Variants in SLC35A3 observed in about 807,000 individuals in gnomAD.
SLC35A3 encodes the protein UDP-N-acetylglucosamine transporter.
A neutral mutation model predicts 39.0 loss-of-function variants in SLC35A3; 26 were observed. The observed-to-expected ratio is 0.67, with a 90% confidence interval of 0.49 to 0.92. SLC35A3 has a LOEUF of 0.92. SLC35A3 is among the 40% of genes least tolerant of loss of function. The pLI is 0.00. For synonymous variants in SLC35A3, 135 were observed against 133.1 expected, an observed-to-expected ratio of 1.01 and a Z score of -0.10; for missense variants, 299 against 371.6, an observed-to-expected ratio of 0.80 and a Z score of 1.61.
Position 100,034,555 on chromosome 1 carries a change from TG to T in SLC35A3, c.*12081del, listed in dbSNP as rs1661401273. 1 of 152,222 alleles carries T rather than the reference TG, an allele frequency of 6.6e-6. No individual in the cohort carries two copies. Among genetic ancestry groups the T allele is most frequent in the Non-Finnish European group, 1.5e-5 (1 of 68,040 alleles). 9.4% of individuals were successfully genotyped at this position (152,222 alleles called of 1,614,324 possible). A position where few individuals can be genotyped will look rare whatever the true frequency, so the allele number is the denominator to read the frequency against. ...TTTATAATAGCCTTGTATGGATTTT[TG>T]GTGGCTTTTCTATTCATGATTAAAT... On this transcript the variant is annotated 3_prime_UTR_variant, in exon 8 of 8. Coordinates refer to ENST00000533028, the MANE Select transcript of SLC35A3 (RefSeq NM_012243.3).
intron 1 of SLC35A3, among the ~76,000 whole-genome samples, chr1:99,988,255 A>C (rs1308179016): frequency 6.6e-6 from 1 of 152,132 alleles, no homozygotes; most frequent in African/African-American, 2.4e-5. Context: ...CTTTTCTAGA[A>C]TTTTATATAT....
chr1:100,013,228 C>T (rs1032265729), intron 5 of SLC35A3, among the ~76,000 whole-genome samples: 10 of 151,902 alleles, frequency 6.6e-5, no homozygotes, highest in Admixed American at 1.3e-4. Flanking sequence ...CTTCTAATCC[C>T]AGATACTTGG....
At chr1:100,007,177 T>C in intron 4 of SLC35A3, 21 bp downstream of exon 4, 1 of 1,566,990 alleles carries the variant, frequency 6.4e-7, no homozygotes, top group Non-Finnish European at 8.7e-7. Flanking sequence ...AAGATAAGTA[T>C]ATATTTTTAT....
At chr1:99,991,377 C>T (rs1170704721) in intron 1 of SLC35A3, among the ~76,000 whole-genome samples, 1 of 152,202 alleles carries the variant, frequency 6.6e-6, no homozygotes, top group Non-Finnish European at 1.5e-5. Flanking sequence ...AACTCCTGAC[C>T]TCGTGATCTG....
At chr1:100,010,153 A>G (rs1277254696) in intron 4 of SLC35A3, among the ~76,000 whole-genome samples, 1 of 152,210 alleles carries the variant, frequency 6.6e-6, no homozygotes, top group Admixed American at 6.5e-5. Context: ...GGGTGAAGAT[A>G]CAGAACATTT....
Position 100,022,934 on chromosome 1 carries a change from A to C in SLC35A3, c.*458A>C, listed in dbSNP as rs1347501865. The C allele has an allele frequency of 6.5e-6, 1 of 152,696 alleles. No homozygotes were observed. The highest frequency in any genetic ancestry group is 1.5e-5 in the Non-Finnish European group (1 of 68,050). The allele number at this position is 152,696 out of a possible 1,614,324, so 9.5% of individuals were successfully genotyped here. A position where few individuals can be genotyped will look rare whatever the true frequency, so the allele number is the denominator to read the frequency against. On this transcript the variant is annotated 3_prime_UTR_variant, in exon 8 of 8. Coordinates refer to ENST00000533028, the MANE Select transcript of SLC35A3 (RefSeq NM_012243.3). Reference sequence around the variant, plus strand: ...TTACCTATAAAGCTGTGAAAAATAGAAGTATAATTTGAAAAAACATTTCAC... The same window carrying C: ...TTACCTATAAAGCTGTGAAAAATAGCAGTATAATTTGAAAAAACATTTCAC...
At position 100,027,255 on chromosome 1, in the gene SLC35A3, C is replaced by A. The variant is rs1660960799; in HGVS notation, c.*4779C>A. Reference sequence around the variant, plus strand: ...TCGCTTGAGCCCATGAATTTGAGGCCAGCCTGGGCAACATAGCCTTGTTTC... The same window carrying A: ...TCGCTTGAGCCCATGAATTTGAGGCAAGCCTGGGCAACATAGCCTTGTTTC... On this transcript the variant is annotated 3_prime_UTR_variant, in exon 8 of 8. Coordinates refer to ENST00000533028, the MANE Select transcript of SLC35A3 (RefSeq NM_012243.3). The A allele has an allele frequency of 2.5e-6, 1 of 398,230 alleles. No individual in the cohort carries two copies. The highest frequency in any genetic ancestry group is 4.4e-6 in the Non-Finnish European group (1 of 225,996). The allele number at this position is 398,230 out of a possible 1,614,324, so 24.7% of individuals were successfully genotyped here. A position where few individuals can be genotyped will look rare whatever the true frequency, so the allele number is the denominator to read the frequency against.
At chr1:99,989,477 T>G (rs1366171911) in intron 1 of SLC35A3, among the ~76,000 whole-genome samples, 1 of 151,930 alleles carries the variant, frequency 6.6e-6, no homozygotes, top group Non-Finnish European at 1.5e-5. Context: ...AGAGATGGGA[T>G]TTCATTATGT....
chr1:100,029,341 C>T lies in SLC35A3; in HGVS notation c.*6865C>T, dbSNP rs985368914. 3 of 151,920 alleles carry T rather than the reference C, an allele frequency of 2.0e-5. No homozygotes were observed. Among genetic ancestry groups the T allele is most frequent in the Non-Finnish European group, 1.5e-5 (1 of 68,002 alleles). 9.4% of individuals were successfully genotyped at this position (151,920 alleles called of 1,614,324 possible). A position where few individuals can be genotyped will look rare whatever the true frequency, so the allele number is the denominator to read the frequency against. On this transcript the variant is annotated 3_prime_UTR_variant, in exon 8 of 8. Transcript: ENST00000533028. ...TGGATGGGCCAAATTTCTTACTACACAAAGACCATTCATCTCTATACACTT... is the reference window on the plus strand; with the variant it reads ...TGGATGGGCCAAATTTCTTACTACATAAAGACCATTCATCTCTATACACTT...
chr1:100,030,619 G>A lies in SLC35A3; in HGVS notation c.*8143G>A, dbSNP rs1295831028. 2.6e-5 allele frequency: 4 copies of A among 152,114 alleles called. No homozygotes were observed. The East Asian group carries it at 5.8e-4, about 22-fold the overall frequency. The allele number at this position is 152,114 out of a possible 1,614,324, so 9.4% of individuals were successfully genotyped here. ...GCTTTAAATGTAGAGTATTTAAGAGGTTCAGTTAAATGTACTAAATCAGAC... is the reference window on the plus strand; with the variant it reads ...GCTTTAAATGTAGAGTATTTAAGAGATTCAGTTAAATGTACTAAATCAGAC... On this transcript the variant is annotated 3_prime_UTR_variant, in exon 8 of 8. Transcript: ENST00000533028.
Position 99,988,892 on chromosome 1 carries a change from G to C in SLC35A3, c.-18-4645G>C, listed in dbSNP as rs1194673252. ...AGCCATCCTCCTGCCTCAGCCTCCT[G>C]AGTAGCTGGAACTACATGCATGTAG... On this transcript the variant is annotated intron_variant, in intron 1 of 7. Transcript: ENST00000533028. Among the ~76,000 whole-genome samples, 3 of 152,066 alleles carry C rather than the reference G, an allele frequency of 2.0e-5. No individual in the cohort carries two copies. The East Asian group carries it at 5.8e-4, about 29-fold the overall frequency.
In SLC35A3 at chr1:100,024,637, T is replaced by TG. The variant is rs1222408044; in HGVS notation, c.*2162dup. On this transcript the variant is annotated 3_prime_UTR_variant, in exon 8 of 8. Transcript: ENST00000533028. ...TAAAATACTTCTTTTTTTTTTTTTT[T>TG]GAGACAGAGTCTCACTTTGTCGCCA... The TG allele has an allele frequency of 1.1e-5, 4 of 362,474 alleles. No homozygotes were observed. Among genetic ancestry groups the TG allele is most frequent in the Admixed American group, 4.6e-5 (1 of 21,584 alleles). 22.5% of individuals were successfully genotyped at this position (362,474 alleles called of 1,614,324 possible).
intron 3 of SLC35A3, among the ~76,000 whole-genome samples, chr1:100,002,960 T>A (rs1658918227): frequency 6.6e-6 from 1 of 152,062 alleles, no homozygotes; most frequent in African/African-American, 2.4e-5. Context: ...TGGTTTGGTT[T>A]GTTCTTGCTT....
At chr1:99,991,657 T>G (rs774807708) in intron 1 of SLC35A3, among the ~76,000 whole-genome samples, 7 of 152,222 alleles carry the variant, frequency 4.6e-5, no homozygotes, top group Non-Finnish European at 7.3e-5. Flanking sequence ...TTCAGTTAAA[T>G]CTATGACAAA....
At chr1:99,979,878 T>C (rs1277938107) in intron 1 of SLC35A3, among the ~76,000 whole-genome samples, 1 of 151,906 alleles carries the variant, frequency 6.6e-6, no homozygotes, top group African/African-American at 2.4e-5. Context: ...ACCCCGTCTC[T>C]ACTAGAAATA....
At chr1:100,017,629 T>C in intron 6 of SLC35A3, 53 bp from the exon 7 acceptor site, 4 of 1,228,336 alleles carry the variant, frequency 3.3e-6, no homozygotes, top group Non-Finnish European at 3.3e-6. Context: ...TGAAAGTGTT[T>C]TGAAATGCAG....
At chr1:99,997,053 A>C (rs1658438152) in intron 2 of SLC35A3, among the ~76,000 whole-genome samples, 1 of 151,984 alleles carries the variant, frequency 6.6e-6, no homozygotes. Flanking sequence ...GTTTATGTAT[A>C]TATCTCTAAA....
chr1:100,013,950 A>G (rs1360490204), intron 5 of SLC35A3, among the ~76,000 whole-genome samples: 2 of 152,196 alleles, frequency 1.3e-5, no homozygotes, highest in African/African-American at 4.8e-5. Context: ...TTCAAAGGTG[A>G]CCCATAAGAA....
Position 100,011,408 on chromosome 1 carries a change from G to A in SLC35A3, c.509G>A (p.Gly170Asp). 1 of 1,574,150 alleles carries A rather than the reference G, an allele frequency of 6.4e-7. No individual in the cohort carries two copies. The highest frequency in any genetic ancestry group is 1.2e-5 in the South Asian group (1 of 83,970). ...SQLDSKELSA[G>D]SQFVGLMAVL... is the part of the protein sequence containing the mutation. ...CTTGATTCTAAGGAACTTTCAGCTG[G>A]TTCTCAATTTGTAGGACTCATGGCA... The change falls in exon 5 of 8, where the codon GGT becomes GAT. Residue 170 changes from glycine (G) to aspartate (D), a missense_variant. Transcript: ENST00000533028.
Sources: allele counts gnomAD v4.1 joint callset (sites outside exome capture counted in the v4.1 genomes callset), GRCh38; gene constraint gnomAD v4.1.1; transcripts MANE v1.5; gene names NCBI Gene and HGNC (gene_info 2026-07-23, HGNC 2026-07-21).